Variants in ARID3B observed in about 807,000 individuals in gnomAD.
ARID3B encodes the protein AT-rich interaction domain 3B.
A neutral mutation model predicts 51.9 loss-of-function variants in ARID3B; 10 were observed. The ratio of observed to expected loss-of-function variants is 0.19; its 90% CI spans 0.12 to 0.33. ARID3B has a LOEUF of 0.33. ARID3B is among the 10% of genes least tolerant of loss of function. ARID3B has a pLI of 1.00. For synonymous variants in ARID3B, 205 were observed against 279.5 expected, an observed-to-expected ratio of 0.73 and a Z score of 2.66; for missense variants, 483 against 716.3, an observed-to-expected ratio of 0.67 and a Z score of 3.72.
Position 74,591,076 on chromosome 15 carries a change from A to G in ARID3B, c.882-75A>G. Reference sequence around the variant, plus strand: ...CCTGCCCAACAGAGACTGCTTCCAGAGACCCACCAACCTCAACTGGGTGGT... The same window carrying G: ...CCTGCCCAACAGAGACTGCTTCCAGGGACCCACCAACCTCAACTGGGTGGT... On this transcript the variant is annotated intron_variant, in intron 5 of 8. Coordinates refer to ENST00000346246, the MANE Select transcript of ARID3B (RefSeq NM_006465.4). The surrounding 1 kb of genome is among the most constrained non-coding windows in gnomAD (Gnocchi z 5.8). The G allele has an allele frequency of 6.6e-7, 1 of 1,519,768 alleles. No homozygotes were observed. Among genetic ancestry groups the G allele is most frequent in the Non-Finnish European group, 8.8e-7 (1 of 1,132,134 alleles). 94.1% of individuals were successfully genotyped at this position (1,519,768 alleles called of 1,614,324 possible).
At chr15:74,542,999 G>A (rs1055918543) in intron 1 of ARID3B, among the ~76,000 whole-genome samples, 2 of 152,166 alleles carry the variant, frequency 1.3e-5, no homozygotes, top group African/African-American at 4.8e-5. Flanking sequence ...AAATGAATCA[G>A]AAAGAAAGGG....
intron 2 of ARID3B, among the ~76,000 whole-genome samples, chr15:74,557,445 T>C (rs1279892523): frequency 6.6e-6 from 1 of 152,132 alleles, no homozygotes. Flanking sequence ...TTTGAAACTT[T>C]CAAAAAATCT....
At chr15:74,550,668 C>T (rs1430160782) in intron 2 of ARID3B, among the ~76,000 whole-genome samples, 2 of 151,568 alleles carry the variant, frequency 1.3e-5, no homozygotes, top group African/African-American at 4.9e-5. Flanking sequence ...GATCACACCA[C>T]TGCACTCCAG....
intron 4 of ARID3B, chr15:74,574,190 C>T (rs1299239234): frequency 6.6e-6 from 1 of 152,298 alleles, no homozygotes; most frequent in African/African-American, 2.4e-5. Context: ...TGTATTCAGT[C>T]ATAGCAATGG....
intron 3 of ARID3B, 73 bp downstream of exon 3, chr15:74,573,006 AT>A: frequency 6.3e-7 from 1 of 1,595,196 alleles, no homozygotes; most frequent in Non-Finnish European, 8.6e-7. Flanking sequence ...TTCCCAAGAA[AT>A]AAGGACCAAG....
At chr15:74,569,805 C>T (rs1473052737) in intron 2 of ARID3B, among the ~76,000 whole-genome samples, 1 of 152,194 alleles carries the variant, frequency 6.6e-6, no homozygotes, top group African/African-American at 2.4e-5. Context: ...ATTACTCTCA[C>T]CTCAGCCAGA....
At chr15:74,579,872 T>TGTGTGTGTGG in intron 4 of ARID3B, among the ~76,000 whole-genome samples, 1 of 118,982 alleles carries the variant, frequency 8.4e-6, no homozygotes, top group Non-Finnish European at 1.6e-5. Context: ...TGTGTGTGTG[T>TGTGTGTGTGG]GCGCGCGCGC....
At chr15:74,561,678 C>T (rs1267002023) in intron 2 of ARID3B, among the ~76,000 whole-genome samples, 1 of 152,192 alleles carries the variant, frequency 6.6e-6, no homozygotes, top group African/African-American at 2.4e-5. Context: ...ATAGTACCCA[C>T]TTCAGAGCAC....
In ARID3B at chr15:74,595,654, G is replaced by A. The variant is rs771601659; in HGVS notation, c.1563G>A (p.Gly521=). 15 of 1,613,360 alleles carry A rather than the reference G, an allele frequency of 9.3e-6. No individual in the cohort carries two copies. Among genetic ancestry groups the A allele is most frequent in the Non-Finnish European group, 1.2e-5 (14 of 1,179,652 alleles). ...AQKPVVHLIT[G]SAPQSLGSSA... is the part of the protein sequence containing the mutation. ...AGCCTGTGGTCCACCTCATCACGGGGTCTGCTCCCCAGAGCCTCGGCAGCA... is the reference window on the plus strand; with the variant it reads ...AGCCTGTGGTCCACCTCATCACGGGATCTGCTCCCCAGAGCCTCGGCAGCA... Residue 521 remains glycine, a synonymous_variant, in exon 9 of 9, where the codon GGG becomes GGA. Coordinates refer to ENST00000346246, the MANE Select transcript of ARID3B (RefSeq NM_006465.4).
At chr15:74,563,111 C>T (rs1454399774) in intron 2 of ARID3B, among the ~76,000 whole-genome samples, 1 of 152,202 alleles carries the variant, frequency 6.6e-6, no homozygotes, top group Admixed American at 6.5e-5. Flanking sequence ...ATTTGAGCCT[C>T]GACCACCTGT....
chr15:74,585,535 T>C (rs1230308797), intron 4 of ARID3B, among the ~76,000 whole-genome samples: 1 of 152,242 alleles, frequency 6.6e-6, no homozygotes, highest in African/African-American at 2.4e-5. Flanking sequence ...TTGGTAATAA[T>C]CACAACTGTC....
chr15:74,554,452 G>A (rs775100035), intron 2 of ARID3B, among the ~76,000 whole-genome samples: 10 of 151,936 alleles, frequency 6.6e-5, no homozygotes, highest in Non-Finnish European at 1.5e-4. Context: ...ACAAGCATGC[G>A]CTACCACACT....
chr15:74,572,737 A>AGT (rs1158585916), intron 2 of ARID3B, 125 bp from the exon 3 acceptor site: 9 of 877,224 alleles, frequency 1.0e-5, no homozygotes, highest in Non-Finnish European at 1.7e-5. Flanking sequence ...TGTCTTTTAT[A>AGT]GTATGAGTGA....
Position 74,577,142 on chromosome 15 carries a change from C to T in ARID3B, c.697+3938C>T, listed in dbSNP as rs117496956. On this transcript the variant is annotated intron_variant, in intron 4 of 8. Transcript: ENST00000346246. The stretch of plus-strand genomic sequence containing the variant: ...CCAGCGATCTCCTTTCTAGAAAACT[C>T]TTATCTGGTAGTCCGAACTAGAGTG... Among the ~76,000 whole-genome samples, 1,244 of 152,162 alleles carry T rather than the reference C, an allele frequency of 8.2e-3. 7 individuals carry two copies. Among genetic ancestry groups the T allele is most frequent in the Middle Eastern group, 0.031 (9 of 294 alleles).
rs778292288 is a variant in ARID3B, at chr15:74,595,651, G to T, written c.1560G>T (p.Thr520=). 34 of 1,613,216 alleles carry T rather than the reference G, an allele frequency of 2.1e-5. No individual in the cohort carries two copies. The highest frequency in any genetic ancestry group is 2.8e-5 in the Non-Finnish European group (33 of 1,179,578). The change falls in exon 9 of 9, where the codon ACG becomes ACT. Residue 520 remains threonine, a synonymous_variant. Transcript: ENST00000346246. ...AGAAGCCTGTGGTCCACCTCATCAC[G>T]GGGTCTGCTCCCCAGAGCCTCGGCA... The part of the protein sequence containing the change: ...FAQKPVVHLI[T]GSAPQSLGSS...
intron 4 of ARID3B, among the ~76,000 whole-genome samples, chr15:74,576,827 T>C (rs1407787665): frequency 6.6e-6 from 1 of 152,168 alleles, no homozygotes; most frequent in Non-Finnish European, 1.5e-5. Context: ...GCTGTGGCTC[T>C]AGTGTATCAG....
intron 2 of ARID3B, among the ~76,000 whole-genome samples, chr15:74,563,479 ATGTGT>A (rs915995377): frequency 1.3e-5 from 2 of 152,186 alleles, no homozygotes; most frequent in African/African-American, 4.8e-5. Context: ...TACATTTAAA[ATGTGT>A]TGTTTGGGGG....
At position 74,597,476 on chromosome 15, in the gene ARID3B, G is replaced by T; in HGVS notation, c.*1702G>T. ...CTCTGCTCAACTGCGTCTTCTCTCA[G>T]CCCTCCACACACACTCACCCCCACT... is the stretch of plus-strand genomic sequence containing the variant. On this transcript the variant is annotated 3_prime_UTR_variant, in exon 9 of 9. Coordinates refer to ENST00000346246, the MANE Select transcript of ARID3B (RefSeq NM_006465.4). The T allele has an allele frequency of 1.9e-6, 1 of 525,808 alleles. No individual in the cohort carries two copies. The highest frequency in any genetic ancestry group is 3.7e-6 in the Non-Finnish European group (1 of 273,216). The allele number at this position is 525,808 out of a possible 1,614,324, so 32.6% of individuals were successfully genotyped here. A position where few individuals can be genotyped will look rare whatever the true frequency, so the allele number is the denominator to read the frequency against.
rs973007738 is a variant in ARID3B at position 74,577,827 on chromosome 15, C to T, written c.697+4623C>T. On this transcript the variant is annotated intron_variant, in intron 4 of 8. Transcript: ENST00000346246. ...GGATTACAGGCATGAACCACCACAC[C>T]GTGCTGGGCCTCAGATTACAGTTTT... Among the ~76,000 whole-genome samples, 17 of 152,174 alleles carry T rather than the reference C, an allele frequency of 1.1e-4. No homozygotes were observed. In the East Asian group the frequency reaches 2.3e-3, roughly 21 times the overall value.
Sources: gnomAD v4.1 joint callset for allele counts (sites outside exome capture counted in the v4.1 genomes callset) on GRCh38, gnomAD v4.1.1 for gene constraint, Gnocchi (gnomAD v3.1) non-coding constraint, MANE v1.5 for transcripts, NCBI Gene and HGNC (gene_info 2026-07-23, HGNC 2026-07-21) for gene names.